ADAMTS12: variants seen among roughly 807,000 people sequenced by gnomAD.
ADAMTS12 encodes A disintegrin and metalloproteinase with thrombospondin motifs 12.
In ADAMTS12, 118 loss-of-function variants were observed where a neutral mutation model predicts 167.8. That is an observed-to-expected ratio of 0.70 (90% CI 0.61 to 0.82). ADAMTS12 has a LOEUF of 0.82. ADAMTS12 is among the 40% of genes least tolerant of loss of function. The probability of loss-of-function intolerance (pLI) is 0.00; values close to 1 mark genes in which losing one functional copy is unlikely to be tolerated. For missense variants in ADAMTS12, 1,916 were observed against 1,998.8 expected (o/e 0.96, Z 0.79); for synonymous variants, 704 against 716.9 (o/e 0.98, Z 0.29).
intron 2 of ADAMTS12, among the ~76,000 whole-genome samples, chr5:33,852,618 T>C (rs1749256298): frequency 6.6e-6 from 1 of 152,178 alleles, no homozygotes; most frequent in Admixed American, 6.5e-5. Flanking sequence ...TGAAGGAATG[T>C]CTACATGGAA....
chr5:33,861,682 T>C (rs1361622197), intron 2 of ADAMTS12, among the ~76,000 whole-genome samples: 1 of 152,186 alleles, frequency 6.6e-6, no homozygotes, highest in Non-Finnish European at 1.5e-5. Flanking sequence ...GCAGACCTAA[T>C]ATACATCTAC....
Position 33,775,798 on chromosome 5 carries a change from A to G in ADAMTS12, c.490-24250T>C, listed in dbSNP as rs151124169. On this transcript the variant is annotated intron_variant, in intron 2 of 23. Transcript: ENST00000504830. The stretch of plus-strand genomic sequence containing the variant: ...GGATCTGAGTGTTTGTGTTCCCCCA[A>G]ATTCATATATTGAAGCCTAATCACC... Among the ~76,000 whole-genome samples the G allele has an allele frequency of 1.1e-4, 16 of 152,234 alleles. No individual in the cohort carries two copies. In the East Asian group the frequency reaches 2.9e-3, roughly 28 times the overall value.
chr5:33,674,738 T>G (rs1741838485), intron 5 of ADAMTS12, among the ~76,000 whole-genome samples: 1 of 152,176 alleles, frequency 6.6e-6, no homozygotes, highest in Non-Finnish European at 1.5e-5. Context: ...TAAAGTCCTT[T>G]GTCTGTGACT....
At chr5:33,543,696 G>C (rs1744818984) in intron 22 of ADAMTS12, among the ~76,000 whole-genome samples, 1 of 152,154 alleles carries the variant, frequency 6.6e-6, no homozygotes, top group African/African-American at 2.4e-5. Context: ...GGGATGCAAG[G>C]CTGGTTCAAT....
chr5:33,846,026 C>T (rs1579986634), intron 2 of ADAMTS12, among the ~76,000 whole-genome samples: 1 of 152,348 alleles, frequency 6.6e-6, no homozygotes, highest in East Asian at 1.9e-4. Flanking sequence ...CCAGGGCCCA[C>T]CTCCAGCACT....
At chr5:33,757,112 A>T (rs1167987056) in intron 2 of ADAMTS12, among the ~76,000 whole-genome samples, 1 of 152,204 alleles carries the variant, frequency 6.6e-6, no homozygotes, top group Non-Finnish European at 1.5e-5. Flanking sequence ...AAGTATATTC[A>T]CCTATAGTGA....
intron 1 of ADAMTS12, among the ~76,000 whole-genome samples, chr5:33,890,727 G>A (rs141313154): frequency 6.6e-6 from 1 of 152,168 alleles, no homozygotes; most frequent in Non-Finnish European, 1.5e-5. Context: ...GTGTGTGTGC[G>A]TGTGTGTCCC....
chr5:33,534,842 T>C lies in ADAMTS12; in HGVS notation c.4597A>G (p.Lys1533Glu). 1 of 1,612,434 alleles carries C rather than the reference T, an allele frequency of 6.2e-7. No individual in the cohort carries two copies. Among genetic ancestry groups the C allele is most frequent in the South Asian group, 1.1e-5 (1 of 90,628 alleles). Residue 1533 changes from lysine (K) to glutamate (E), a missense_variant, in exon 23 of 24, where the codon AAA becomes GAA. Transcript: ENST00000504830. ...AAACCCATTCACCCACCGGCACTTT[T>C]CTTGCAGGCCTGCTGGTTGCATTTT... The part of the protein sequence containing the change: ...FKKCNQQACK[K>E]SADLLCTKDK...
At position 33,761,124 on chromosome 5, in the gene ADAMTS12, G is replaced by T. The variant is rs529211141; in HGVS notation, c.490-9576C>A. ...TGGGAAGCAAAAAGCCATTATGGCG[G>T]ATTTAGCCTTGATACAGCACTTCTT... On this transcript the variant is annotated intron_variant, in intron 2 of 23. Transcript: ENST00000504830. Among the ~76,000 whole-genome samples the T allele has an allele frequency of 1.5e-4, 23 of 151,608 alleles. No individual in the cohort carries two copies. The South Asian group carries it at 4.8e-3, about 32-fold the overall frequency.
intron 3 of ADAMTS12, among the ~76,000 whole-genome samples, chr5:33,725,933 C>G (rs1561237217): frequency 1.3e-5 from 2 of 152,220 alleles, no homozygotes; most frequent in Non-Finnish European, 2.9e-5. Context: ...GATGCACACT[C>G]TCGTGCGAGA....
chr5:33,635,636 T>C (rs1217218409), intron 12 of ADAMTS12, among the ~76,000 whole-genome samples: 1 of 152,216 alleles, frequency 6.6e-6, no homozygotes, highest in African/African-American at 2.4e-5. Flanking sequence ...TGTATGTTTA[T>C]TTTATCCTCT....
intron 6 of ADAMTS12, among the ~76,000 whole-genome samples, chr5:33,660,899 G>C (rs1448716384): frequency 1.3e-5 from 2 of 152,184 alleles, no homozygotes; most frequent in Non-Finnish European, 2.9e-5. Context: ...TGGAGTTTTG[G>C]ATCAGGGCAA....
At chr5:33,622,214 A>G (rs1312293998) in intron 14 of ADAMTS12, among the ~76,000 whole-genome samples, 1 of 152,206 alleles carries the variant, frequency 6.6e-6, no homozygotes, top group Non-Finnish European at 1.5e-5. Flanking sequence ...AGAGGAAAGA[A>G]CCCAGAATTA....
At chr5:33,539,067 G>A (rs149777833) in intron 22 of ADAMTS12, among the ~76,000 whole-genome samples, 4,116 of 152,110 alleles carry the variant, frequency 0.027, 183 homozygotes, top group South Asian at 0.22. Flanking sequence ...TCAGCCTCCG[G>A]AGTAGCTGGG....
At chr5:33,584,434 G>C (rs1747230554) in intron 18 of ADAMTS12, among the ~76,000 whole-genome samples, 1 of 152,098 alleles carries the variant, frequency 6.6e-6, no homozygotes, top group East Asian at 1.9e-4. Context: ...TGCGCTTATA[G>C]TGTTTCATGC....
chr5:33,731,542 T>C (rs986968334), intron 3 of ADAMTS12, among the ~76,000 whole-genome samples: 13 of 152,228 alleles, frequency 8.5e-5, no homozygotes, highest in Non-Finnish European at 8.8e-5. Flanking sequence ...GGCTGGGACA[T>C]GCACTCCAGC....
At chr5:33,866,137 C>A (rs945925679) in intron 2 of ADAMTS12, among the ~76,000 whole-genome samples, 2 of 151,998 alleles carry the variant, frequency 1.3e-5, no homozygotes, top group Non-Finnish European at 2.9e-5. Flanking sequence ...AAAGAAAGAG[C>A]CTGAATATCC....
chr5:33,567,932 T>A (rs1746091481), intron 19 of ADAMTS12, among the ~76,000 whole-genome samples: 1 of 152,110 alleles, frequency 6.6e-6, no homozygotes, highest in South Asian at 2.1e-4. Context: ...TGAGTTCAAG[T>A]CCCCGTAGCT....
intron 23 of ADAMTS12, among the ~76,000 whole-genome samples, chr5:33,534,427 G>A (rs1313162874): frequency 1.3e-5 from 2 of 152,086 alleles, no homozygotes; most frequent in African/African-American, 4.8e-5. Context: ...TGGGGGACCT[G>A]GCCTAATGCA....
Sources: allele counts gnomAD v4.1 joint callset (sites outside exome capture counted in the v4.1 genomes callset), GRCh38; gene constraint gnomAD v4.1.1; transcripts MANE v1.5; gene names NCBI Gene and HGNC (gene_info 2026-07-23, HGNC 2026-07-21).